LPIN1: variants seen among roughly 807,000 people sequenced by gnomAD.
LPIN1 encodes the protein lipin 1.
LPIN1 carries 71 observed loss-of-function variants against 107.5 expected under a neutral mutation model. That is an observed-to-expected ratio of 0.66 (90% CI 0.55 to 0.80). The LOEUF is 0.80. Ranked by LOEUF, LPIN1 falls within the 30% of genes least tolerant of loss-of-function variation. The pLI is 0.00. For synonymous variants in LPIN1, 445 were observed against 452.6 expected (o/e 0.98, Z 0.21); for missense variants, 1,043 against 1,160.6 (o/e 0.90, Z 1.47).
chr2:11,820,567 A>G, intron 20 of LPIN1, 53 bp downstream of exon 20: 2 of 1,332,156 alleles, frequency 1.5e-6, no homozygotes, highest in Admixed American at 3.4e-5. Flanking sequence ...ATTATCTTAA[A>G]ACGGTGCTTC....
rs886121646 is a variant in LPIN1, at chr2:11,774,135, T to G, written c.722+390T>G. Reference sequence around the variant, plus strand: ...AGGTCGTTCAGGGCTATTAGAATGGTGCCTCCGCCACACTTAATCCATTCT... The same window carrying G: ...AGGTCGTTCAGGGCTATTAGAATGGGGCCTCCGCCACACTTAATCCATTCT... On this transcript the variant is annotated intron_variant, in intron 5 of 20. Transcript: ENST00000674199. The surrounding 1 kb of genome is among the most constrained non-coding windows in gnomAD (Gnocchi z 4.4). Among the ~76,000 whole-genome samples the G allele has an allele frequency of 1.2e-4, 19 of 152,236 alleles. No homozygotes were observed. Among genetic ancestry groups the G allele is most frequent in the African/African-American group, 4.3e-4 (18 of 41,464 alleles).
rs998119846 is a variant in LPIN1 at position 11,770,944 on chromosome 2, CTCTG to C, written c.289-424_289-421del. On this transcript the variant is annotated intron_variant, in intron 3 of 20. Coordinates refer to ENST00000674199, the MANE Select transcript of LPIN1 (RefSeq NM_001349206.2). ...ATATAAAAAATACACAATACACATTCTCTGTCTTTCTCTCACACCCACCCATGCA... is the reference window on the plus strand; with the variant it reads ...ATATAAAAAATACACAATACACATTCTCTTTCTCTCACACCCACCCATGCA... 2.0e-5 allele frequency among the ~76,000 whole-genome samples: 3 copies of C among 147,900 alleles called. 1 individual carries two copies. Among genetic ancestry groups the C allele is most frequent in the South Asian group, 4.3e-4 (2 of 4,690 alleles).
At chr2:11,795,693 A>G (rs1676585474) in intron 14 of LPIN1, among the ~76,000 whole-genome samples, 1 of 152,246 alleles carries the variant, frequency 6.6e-6, no homozygotes, top group Admixed American at 6.5e-5. Flanking sequence ...AATTTGCAAA[A>G]TAAATGTGAG....
At chr2:11,733,519 A>G (rs1459349313) in intron 1 of LPIN1, among the ~76,000 whole-genome samples, 3 of 149,364 alleles carry the variant, frequency 2.0e-5, no homozygotes, top group African/African-American at 7.4e-5. Context: ...TTTTTGACAA[A>G]GTCTTGGTTT....
At chr2:11,792,447 A>G (rs1675930452) in intron 13 of LPIN1, 1 of 204,816 alleles carries the variant, frequency 4.9e-6, no homozygotes, top group Non-Finnish European at 1.0e-5. Context: ...CAGTGGTGCA[A>G]TCTCAGCTCC....
chr2:11,797,041 A>G (rs1336520457), intron 14 of LPIN1, among the ~76,000 whole-genome samples: 1 of 152,216 alleles, frequency 6.6e-6, no homozygotes, highest in Admixed American at 6.5e-5. Flanking sequence ...TGCTACCCCA[A>G]AAGAGGCACA....
In LPIN1 at chr2:11,782,581, C is replaced by T. The variant is rs551854215; in HGVS notation, c.1264+74C>T. ...TCACTCTACACATGACAGGTCCTTTCCAAAGTTCCAAGGAAACTGAGGTAG... is the reference window on the plus strand; with the variant it reads ...TCACTCTACACATGACAGGTCCTTTTCAAAGTTCCAAGGAAACTGAGGTAG... On this transcript the variant is annotated intron_variant, in intron 8 of 20. Coordinates refer to ENST00000674199, the MANE Select transcript of LPIN1 (RefSeq NM_001349206.2). 5 of 1,556,614 alleles carry T rather than the reference C, an allele frequency of 3.2e-6. No individual in the cohort carries two copies. The East Asian group carries it at 9.0e-5, about 28-fold the overall frequency.
intron 14 of LPIN1, among the ~76,000 whole-genome samples, chr2:11,802,415 C>A (rs1486918337): frequency 6.6e-6 from 1 of 152,140 alleles, no homozygotes; most frequent in Non-Finnish European, 1.5e-5. Context: ...GTGAGTCTTT[C>A]TTGCTTTCAC....
chr2:11,698,276 G>C (rs1662689075), intron 1 of LPIN1, among the ~76,000 whole-genome samples: 1 of 152,244 alleles, frequency 6.6e-6, no homozygotes, highest in South Asian at 2.1e-4. Context: ...GGTTGCAGCT[G>C]TCTCAGGAGA....
rs1191640176 is a variant in LPIN1, at chr2:11,683,704, TTGCCCTGCCC to T, written c.81+5985_81+5994del. Among the ~76,000 whole-genome samples, 7 of 152,166 alleles carry T rather than the reference TTGCCCTGCCC, an allele frequency of 4.6e-5. No homozygotes were observed. In the East Asian group the frequency reaches 9.6e-4, roughly 21 times the overall value. ...GCTGTGGTCGTCGAGGTAAGCAGAT[TTGCCCTGCCC>T]TGCCCTGCACTGCCGCTCTGTTCCT... On this transcript the variant is annotated intron_variant, in intron 1 of 21. Transcript: ENST00000449576.
intron 2 of LPIN1, among the ~76,000 whole-genome samples, chr2:11,716,770 C>T (rs184979237): frequency 1.3e-4 from 20 of 152,220 alleles, no homozygotes; most frequent in East Asian, 7.7e-4. Flanking sequence ...AGAAACTCAA[C>T]GAAATACACA....
chr2:11,730,071 C>T (rs1007791460), intron 1 of LPIN1, among the ~76,000 whole-genome samples: 2 of 152,126 alleles, frequency 1.3e-5, no homozygotes, highest in African/African-American at 4.8e-5. Context: ...CCACCCTACT[C>T]TTTCTCTCTT....
chr2:11,709,632 T>A (rs908090434), intron 1 of LPIN1, among the ~76,000 whole-genome samples: 5 of 152,246 alleles, frequency 3.3e-5, no homozygotes, highest in African/African-American at 1.2e-4. Flanking sequence ...TCTGCCTCTC[T>A]TGTCCTGGAA....
chr2:11,687,408 C>T (rs1209292812), intron 1 of LPIN1, among the ~76,000 whole-genome samples: 1 of 152,082 alleles, frequency 6.6e-6, no homozygotes, highest in Non-Finnish European at 1.5e-5. Flanking sequence ...CTGTGAGACT[C>T]TTGTAAGTTG....
In LPIN1 at chr2:11,814,511, CATGTGTGT is replaced by C. The variant is rs1472941486; in HGVS notation, c.2250-576_2250-569del. Among the ~76,000 whole-genome samples the C allele has an allele frequency of 8.3e-4, 79 of 94,934 alleles. 1 individual carries two copies. Among genetic ancestry groups the C allele is most frequent in the Middle Eastern group, 0.01 (2 of 200 alleles). 62.3% of individuals were successfully genotyped at this position (94,934 alleles called of 152,430 possible). On this transcript the variant is annotated intron_variant, in intron 17 of 20. Transcript: ENST00000674199. ...GACTAAGGATGTTTTGGTGTGTGTG[CATGTGTGT>C]GTGTGTGTGTGTGTGTGTGTGTGTG...
intron 19 of LPIN1, among the ~76,000 whole-genome samples, chr2:11,820,075 G>T (rs1681254444): frequency 6.6e-6 from 1 of 152,196 alleles, no homozygotes; most frequent in African/African-American, 2.4e-5. Context: ...GGTACTAACT[G>T]CTCCATCAGA....
rs1351355141 is a variant in LPIN1 at position 11,783,831 on chromosome 2, A to C, written c.1267A>C (p.Lys423Gln). The C allele has an allele frequency of 6.2e-7, 1 of 1,613,864 alleles. No individual in the cohort carries two copies. Among genetic ancestry groups the C allele is most frequent in the Non-Finnish European group, 8.5e-7 (1 of 1,179,854 alleles). Residue 423 changes from lysine to glutamine, a missense_variant and splice_region_variant, in exon 9 of 21, where the codon AAA becomes CAA. Transcript: ENST00000674199. ...KTDSPSRKRD[K>Q]RSRHLGADGV... ...ACTTGAGCCATTTGCCGTTTTAGAT[A>C]AACGAAGCCGACATCTTGGTGCTGA...
intron 18 of LPIN1, chr2:11,818,787 C>G (rs1479458954): frequency 6.6e-6 from 1 of 152,058 alleles, no homozygotes; most frequent in Non-Finnish European, 1.5e-5. Context: ...GTATTCCCTT[C>G]TATTCCTGGT....
chr2:11,719,492 C>T (rs1663974764), upstream of LPIN1, among the ~76,000 whole-genome samples: 1 of 152,196 alleles, frequency 6.6e-6, no homozygotes, highest in Non-Finnish European at 1.5e-5. Flanking sequence ...TTATTTTAGT[C>T]AGACTTTCCC....
Sources: gnomAD v4.1 joint callset for allele counts (sites outside exome capture counted in the v4.1 genomes callset) on GRCh38, gnomAD v4.1.1 for gene constraint, Gnocchi (gnomAD v3.1) non-coding constraint, MANE v1.5 for transcripts, NCBI Gene and HGNC (gene_info 2026-07-23, HGNC 2026-07-21) for gene names.